The following ETV4 variants were observed in gnomAD, a reference collection of about 807,000 sequenced individuals.
ETV4 encodes the protein ETS translocation variant 4.
A neutral mutation model predicts 65.9 loss-of-function variants in ETV4; 42 were observed. That is an observed-to-expected ratio of 0.64 (90% CI 0.50 to 0.82). The LOEUF is 0.82. Ranked by LOEUF, ETV4 falls within the 40% of genes least tolerant of loss-of-function variation. The pLI is 0.00. For synonymous variants in ETV4, 238 were observed against 260.0 expected (o/e 0.92, Z 0.81); for missense variants, 583 against 630.3 (o/e 0.92, Z 0.80).
chr17:43,545,783 G>A, intron 1 of ETV4, 115 bp from the exon 2 acceptor site: 1 of 630,034 alleles, frequency 1.6e-6, no homozygotes, highest in Non-Finnish European at 2.7e-6. Flanking sequence ...GACTCACTGG[G>A]GCGATGGCGA....
intron 8 of ETV4, among the ~76,000 whole-genome samples, chr17:43,530,749 G>A (rs1027452011): frequency 1.3e-5 from 2 of 151,914 alleles, no homozygotes; most frequent in African/African-American, 4.8e-5. Context: ...CATTCCATAG[G>A]ATAGGAACCT....
At chr17:43,533,750 T>C in intron 6 of ETV4, 109 bp downstream of exon 6, 1 of 1,405,336 alleles carries the variant, frequency 7.1e-7, no homozygotes, top group East Asian at 2.5e-5. Context: ...GAAAATCCTT[T>C]CTGTTGTCTA....
chr17:43,545,371 C>T lies in ETV4; in HGVS notation c.61-4G>A. 1 of 1,583,386 alleles carries T rather than the reference C, an allele frequency of 6.3e-7. No homozygotes were observed. Among genetic ancestry groups the T allele is most frequent in the South Asian group, 1.1e-5 (1 of 87,002 alleles). On this transcript the variant is annotated splice_region_variant and splice_polypyrimidine_tract_variant and intron_variant, in intron 2 of 12. Transcript: ENST00000319349. Reference sequence around the variant, plus strand: ...AGCTCCCATTTCCGGGCGATTTCTGCGAGAAGCGGGGAGAATGCCCGCGAG... The same window carrying T: ...AGCTCCCATTTCCGGGCGATTTCTGTGAGAAGCGGGGAGAATGCCCGCGAG...
rs1261633209 is a variant in ETV4, at chr17:43,532,863, G to C, written c.622C>G (p.Pro208Ala). ...QGGGREPLPA[P>A]YQHQLSEPCP... ...GGCTCCGACAGCTGGTGTTGGTAGG[G>C]GGCTGGGAGGGGTTCCCGGCCCCCT... Residue 208 changes from proline (P) to alanine (A), a missense_variant, in exon 8 of 13, where the codon CCC becomes GCC. Physicochemically the swap from Pro to Ala is conservative, Grantham distance 27. Coordinates refer to ENST00000319349, the MANE Select transcript of ETV4 (RefSeq NM_001079675.5). The C allele has an allele frequency of 6.2e-7, 1 of 1,610,866 alleles. No individual in the cohort carries two copies. The highest frequency in any genetic ancestry group is 2.2e-5 in the East Asian group (1 of 44,820).
chr17:43,529,568 G>A lies in ETV4; in HGVS notation c.1064C>T (p.Thr355Ile), dbSNP rs762134193. The change falls in exon 11 of 13, where the codon ACA becomes ATA. Residue 355 changes from threonine to isoleucine, a missense_variant. Physicochemically the swap from Thr to Ile is moderately conservative, Grantham distance 89. Coordinates refer to ENST00000319349, the MANE Select transcript of ETV4 (RefSeq NM_001079675.5). ...CGTCCAGGCAATGAAATGGGCATTT[G>A]TTGGGTCATCCAGCAAGGCCACCAG... ...QFLVALLDDP[T>I]NAHFIAWTGR... The A allele has an allele frequency of 1.1e-5, 17 of 1,614,000 alleles. No individual in the cohort carries two copies. In the South Asian group the frequency reaches 1.9e-4, roughly 18 times the overall value.
rs773308888 is a variant in ETV4, at chr17:43,545,568, G to A, written c.50C>T (p.Thr17Ile). The change falls in exon 2 of 13, where the codon ACC becomes ATC. Residue 17 changes from threonine (T) to isoleucine (I), a missense_variant. Physicochemically the swap from Thr to Ile is moderately conservative, Grantham distance 89. Transcript: ENST00000319349. ...AGYLDQQVPY[T>I]FSSKSPGNGS... ...CGGCGCGGCGCTCACGCTGCTGAAG[G>A]TGTAGGGCACTTGCTGGTCCAAGTA... 19 of 1,550,304 alleles carry A rather than the reference G, an allele frequency of 1.2e-5. No homozygotes were observed. The highest frequency in any genetic ancestry group is 2.7e-5 in the African/African-American group (2 of 72,986).
chr17:43,545,704 A>G, intron 1 of ETV4, 36 bp from the exon 2 acceptor site: 1 of 963,216 alleles, frequency 1.0e-6, no homozygotes, highest in Non-Finnish European at 1.5e-6. Context: ...CACACCGTCC[A>G]GGGAGGGCTG....
chr17:43,533,329 G>T lies in ETV4; in HGVS notation c.403C>A (p.Gln135Lys), dbSNP rs1429673426. The T allele has an allele frequency of 3.7e-6, 6 of 1,613,620 alleles. No homozygotes were observed. The highest frequency in any genetic ancestry group is 2.5e-6 in the Non-Finnish European group (3 of 1,179,642). The change falls in exon 7 of 13, where the codon CAA becomes AAA. Residue 135 changes from glutamine to lysine, a missense_variant. Transcript: ENST00000319349. ...LYSSAYDPPRQIAIKSPAPGA... is the reference protein window; with the variant it reads ...LYSSAYDPPRKIAIKSPAPGA... ...GGGGCAGGGGACTTGATGGCGATTTGTCTGGGGGGGTCATAGGCACTGGAG... is the reference window on the plus strand; with the variant it reads ...GGGGCAGGGGACTTGATGGCGATTTTTCTGGGGGGGTCATAGGCACTGGAG...
intron 4 of ETV4, among the ~76,000 whole-genome samples, chr17:43,539,039 A>G (rs923988580): frequency 6.6e-6 from 1 of 152,172 alleles, no homozygotes; most frequent in Non-Finnish European, 1.5e-5. Flanking sequence ...TCTTACCAGG[A>G]TACCCTATTT....
At position 43,528,306 on chromosome 17, in the gene ETV4, G is replaced by A. The variant is rs1970686378; in HGVS notation, c.*213C>T. The A allele has an allele frequency of 4.1e-6, 2 of 492,594 alleles. No individual in the cohort carries two copies. Among genetic ancestry groups the A allele is most frequent in the Non-Finnish European group, 7.2e-6 (2 of 278,464 alleles). The allele number at this position is 492,594 out of a possible 1,614,324, so 30.5% of individuals were successfully genotyped here. A position where few individuals can be genotyped will look rare whatever the true frequency, so the allele number is the denominator to read the frequency against. ...GGGCCCAGGTGAAACCCCCAGGGGAGTTTCTGAGACTCTAGACTTGCCATT... is the reference window on the plus strand; with the variant it reads ...GGGCCCAGGTGAAACCCCCAGGGGAATTTCTGAGACTCTAGACTTGCCATT... On this transcript the variant is annotated 3_prime_UTR_variant, in exon 13 of 13. Transcript: ENST00000319349.
At chr17:43,545,124 C>G in intron 3 of ETV4, 102 bp from the exon 4 acceptor site, 2 of 1,386,922 alleles carry the variant, frequency 1.4e-6, no homozygotes, top group South Asian at 2.3e-5. Flanking sequence ...GAGTAGGGAC[C>G]GAGAAGAATG....
At chr17:43,533,717 G>A (rs1242553940) in intron 6 of ETV4, 142 bp downstream of exon 6, 3 of 1,072,696 alleles carry the variant, frequency 2.8e-6, no homozygotes, top group African/African-American at 3.3e-5. Context: ...ATCCTTAGCT[G>A]TATTGCTTCC....
chr17:43,530,558 G>T (rs1970863104), intron 8 of ETV4: 1 of 579,376 alleles, frequency 1.7e-6, no homozygotes, highest in African/African-American at 1.9e-5. Context: ...CCCTCAGAAT[G>T]GACAAAAATG....
rs1017026410 is a variant in ETV4 at position 43,533,047 on chromosome 17, G to A, written c.546-108C>T. On this transcript the variant is annotated intron_variant, in intron 7 of 12. Transcript: ENST00000319349. ...GTGGGCTCCGGAATGGGGGGTAGGG[G>A]GTTGGGGTGTCAGTATTTCTCCCTT... The A allele has an allele frequency of 9.4e-6, 14 of 1,495,274 alleles. No homozygotes were observed. The South Asian group carries it at 1.3e-4, about 14-fold the overall frequency. 92.6% of individuals were successfully genotyped at this position (1,495,274 alleles called of 1,614,324 possible). A position where few individuals can be genotyped will look rare whatever the true frequency, so the allele number is the denominator to read the frequency against.
At chr17:43,544,931 C>T (rs755978064) in intron 4 of ETV4, 44 bp downstream of exon 4, 2 of 1,590,760 alleles carry the variant, frequency 1.3e-6, no homozygotes, top group East Asian at 2.2e-5. Context: ...GGAGTGTCCC[C>T]CTGTCCAGCC....
In ETV4 at chr17:43,528,636, C is replaced by A. The variant is rs370340037; in HGVS notation, c.1338G>T (p.Arg446=). 1 of 1,614,038 alleles carries A rather than the reference C, an allele frequency of 6.2e-7. No homozygotes were observed. The highest frequency in any genetic ancestry group is 1.3e-5 in the African/African-American group (1 of 74,920). Residue 446 remains arginine, a synonymous_variant, in exon 13 of 13, where the codon CGG becomes CGT. Coordinates refer to ENST00000319349, the MANE Select transcript of ETV4 (RefSeq NM_001079675.5). The part of the protein sequence containing the change: ...QRPALKAEFD[R]PVSEEDTVPL... ...GGACTGTGTCCTCCTCACTGACAGGCCGGTCAAACTCAGCCTTGAGAGCTG... is the reference window on the plus strand; with the variant it reads ...GGACTGTGTCCTCCTCACTGACAGGACGGTCAAACTCAGCCTTGAGAGCTG...
chr17:43,543,331 C>G (rs928491223), intron 4 of ETV4, among the ~76,000 whole-genome samples: 12 of 149,278 alleles, frequency 8.0e-5, no homozygotes, highest in Non-Finnish European at 1.8e-4. Context: ...GACACTGACA[C>G]AGACAGACAT....
intron 1 of ETV4, chr17:43,545,933 A>T (rs1394226635): frequency 4.5e-5 from 12 of 266,522 alleles, no homozygotes; most frequent in East Asian, 7.5e-5. Flanking sequence ...TTACATAAGA[A>T]CGTGTGTGTG....
Position 43,528,628 on chromosome 17 carries a change from C to T in ETV4, c.1346G>A (p.Ser449Asn). The T allele has an allele frequency of 3.1e-6, 5 of 1,614,206 alleles. No individual in the cohort carries two copies. The highest frequency in any genetic ancestry group is 4.2e-6 in the Non-Finnish European group (5 of 1,180,028). Residue 449 changes from serine to asparagine, a missense_variant, in exon 13 of 13, where the codon AGT (serine) becomes AAT (asparagine). Physicochemically the swap from Ser to Asn is conservative, Grantham distance 46. Coordinates refer to ENST00000319349, the MANE Select transcript of ETV4 (RefSeq NM_001079675.5). ...GGACAAAGGGACTGTGTCCTCCTCA[C>T]TGACAGGCCGGTCAAACTCAGCCTT... ...ALKAEFDRPV[S>N]EEDTVPLSHL...
Sources: gnomAD v4.1 joint callset for allele counts (sites outside exome capture counted in the v4.1 genomes callset) on GRCh38, gnomAD v4.1.1 for gene constraint, MANE v1.5 for transcripts, NCBI Gene and HGNC (gene_info 2026-07-23, HGNC 2026-07-21) for gene names.